KIFAP3: variants seen among roughly 807,000 people sequenced by gnomAD.
KIFAP3 encodes the protein kinesin-associated protein 3.
In KIFAP3, 68 loss-of-function variants were observed where a neutral mutation model predicts 106.5. The observed-to-expected ratio is 0.64, with a 90% CI of 0.53 to 0.78. KIFAP3 has a LOEUF of 0.78. Among genes scored for constraint, KIFAP3 ranks in the 30% least tolerant of loss-of-function variants. The pLI is 0.00. For synonymous variants in KIFAP3, 320 were observed against 311.5 expected (o/e 1.03, Z -0.29); for missense variants, 780 against 941.8 (o/e 0.83, Z 2.25).
At chr1:170,001,336 C>A (rs1470002569) in intron 10 of KIFAP3, among the ~76,000 whole-genome samples, 1 of 152,026 alleles carries the variant, frequency 6.6e-6, no homozygotes, top group African/African-American at 2.4e-5. Flanking sequence ...TGGAGACACC[C>A]TAGGCAATAT....
At chr1:169,987,511 C>T (rs1030107706) in intron 11 of KIFAP3, among the ~76,000 whole-genome samples, 1 of 152,074 alleles carries the variant, frequency 6.6e-6, no homozygotes, top group African/African-American at 2.4e-5. Context: ...CAGAACTTTG[C>T]ATGCCTCCGG....
chr1:169,995,767 A>G (rs999412731), intron 10 of KIFAP3, among the ~76,000 whole-genome samples: 2 of 152,144 alleles, frequency 1.3e-5, no homozygotes, highest in Non-Finnish European at 2.9e-5. Context: ...GGTGAGAGGA[A>G]GGAAAGACTC....
intron 19 of KIFAP3, among the ~76,000 whole-genome samples, chr1:169,948,594 G>A (rs1032032374): frequency 4.6e-5 from 7 of 151,840 alleles, no homozygotes; most frequent in Admixed American, 3.3e-4. Flanking sequence ...TCACTTTTTT[G>A]ATCCTTCCAT....
rs142533785 is a variant in KIFAP3, at chr1:170,029,612, C to A, written c.841+2274G>T. On this transcript the variant is annotated intron_variant, in intron 8 of 19. Coordinates refer to ENST00000361580, the MANE Select transcript of KIFAP3 (RefSeq NM_014970.4). ...ACAACAACAACAACAACAACAACAACAAAAAATAAGAGTATATTAAACCCA... is the reference window on the plus strand; with the variant it reads ...ACAACAACAACAACAACAACAACAAAAAAAAATAAGAGTATATTAAACCCA... Among the ~76,000 whole-genome samples the A allele has an allele frequency of 5.1e-3, 772 of 151,404 alleles. 18 individuals are homozygous for A. In the South Asian group the frequency reaches 0.056, roughly 11 times the overall value.
At chr1:170,058,435 A>G (rs1287467703) in intron 1 of KIFAP3, among the ~76,000 whole-genome samples, 1 of 152,174 alleles carries the variant, frequency 6.6e-6, no homozygotes, top group Non-Finnish European at 1.5e-5. Context: ...ATCTACTTGA[A>G]AAATACCCAA....
intron 1 of KIFAP3, among the ~76,000 whole-genome samples, chr1:170,066,221 G>A (rs1172897104): frequency 1.5e-5 from 2 of 137,544 alleles, no homozygotes; most frequent in African/African-American, 5.5e-5. Context: ...TGCATTATGT[G>A]TACATACCTT....
chr1:169,982,097 C>A lies in KIFAP3; in HGVS notation c.1673G>T (p.Gly558Val), dbSNP rs1489180530. Residue 558 changes from glycine to valine, a missense_variant and splice_region_variant, in exon 15 of 20, where the codon GGT becomes GTT. By Grantham distance (109) the Gly-to-Val change is moderately radical. Coordinates refer to ENST00000361580, the MANE Select transcript of KIFAP3 (RefSeq NM_014970.4). ...VPYLKDKLKP[G>V]AAEDDLVLEV... ...TAAAACAAGATCATCTTCTGCAGCA[C>A]CTAGTGAAGTCAAACCATAGAAAGT... 4 of 1,611,968 alleles carry A rather than the reference C, an allele frequency of 2.5e-6. No homozygotes were observed. The Admixed American group carries it at 6.7e-5, about 27-fold the overall frequency.
intron 9 of KIFAP3, among the ~76,000 whole-genome samples, chr1:170,019,573 T>C (rs1196429258): frequency 2.6e-5 from 4 of 152,022 alleles, no homozygotes; most frequent in African/African-American, 4.8e-5. Flanking sequence ...CTGTTGCGAA[T>C]ATGCGAAAAA....
upstream of KIFAP3, among the ~76,000 whole-genome samples, chr1:170,077,790 T>C (rs1557885194): frequency 6.6e-6 from 1 of 152,166 alleles, no homozygotes; most frequent in Non-Finnish European, 1.5e-5. Context: ...CAGAACGTCA[T>C]CTGAATGTAA....
At chr1:170,055,262 T>C (rs1470785711) in intron 2 of KIFAP3, 43 bp downstream of exon 2, 1 of 1,535,128 alleles carries the variant, frequency 6.5e-7, no homozygotes, top group African/African-American at 1.4e-5. Flanking sequence ...AAAGTTTATA[T>C]AATGTTCACT....
Position 170,070,357 on chromosome 1 carries a change from GAAC to G in KIFAP3, c.32+4076_32+4078del, listed in dbSNP as rs764314768. 4.5e-4 allele frequency among the ~76,000 whole-genome samples: 69 copies of G among 152,076 alleles called. 1 individual carries two copies. The highest frequency in any genetic ancestry group is 3.4e-3 in the Middle Eastern group (1 of 292). ...AAATAGCTGAAACAACCTTGAAAAA[GAAC>G]AACAAAGTTGGAGGACTCACACTTC... On this transcript the variant is annotated intron_variant, in intron 1 of 19. Transcript: ENST00000361580.
In KIFAP3 at chr1:169,981,987, T is replaced by G; in HGVS notation, c.1783A>C (p.Ile595Leu). Reference protein sequence around the residue: ...LAKSGIIPALIELLNAQQEDD... With the variant: ...LAKSGIIPALLELLNAQQEDD... ...GGTTATTTACCATTTAGCAATTCAA[T>G]GAGTGCAGGGATTATGCCAGATTTG... The change falls in exon 15 of 20, where the codon ATT becomes CTT. Residue 595 changes from isoleucine to leucine, a missense_variant. Ile to Leu is a conservative substitution (Grantham distance 5). Transcript: ENST00000361580. 6.2e-7 allele frequency: 1 copy of G among 1,611,832 alleles called. No individual in the cohort carries two copies. The highest frequency in any genetic ancestry group is 8.5e-7 in the Non-Finnish European group (1 of 1,178,574).
chr1:169,931,372 T>C (rs1571511381), intron 19 of KIFAP3, among the ~76,000 whole-genome samples: 1 of 152,192 alleles, frequency 6.6e-6, no homozygotes, highest in Non-Finnish European at 1.5e-5. Flanking sequence ...TTGTAGTTAT[T>C]AACAGAAAAA....
At chr1:170,058,293 A>T (rs1670953707) in intron 1 of KIFAP3, among the ~76,000 whole-genome samples, 1 of 152,210 alleles carries the variant, frequency 6.6e-6, no homozygotes, top group South Asian at 2.1e-4. Context: ...GCAAAATAAA[A>T]TTGTATCAAA....
At chr1:169,974,077 T>A (rs968919737) in intron 16 of KIFAP3, among the ~76,000 whole-genome samples, 4 of 151,786 alleles carry the variant, frequency 2.6e-5, no homozygotes, top group African/African-American at 9.7e-5. Flanking sequence ...AAACATATAC[T>A]CCTTTAGAAC....
intron 1 of KIFAP3, among the ~76,000 whole-genome samples, chr1:170,082,374 C>A (rs1219910143): frequency 6.6e-6 from 1 of 152,142 alleles, no homozygotes; most frequent in African/African-American, 2.4e-5. Flanking sequence ...AAAAAGCACA[C>A]CCCGATCTAT....
chr1:170,022,998 G>C (rs1410980888), intron 9 of KIFAP3, among the ~76,000 whole-genome samples: 2 of 151,978 alleles, frequency 1.3e-5, no homozygotes. Flanking sequence ...CCACATAAAT[G>C]GAAGAACATA....
intron 19 of KIFAP3, among the ~76,000 whole-genome samples, chr1:169,926,175 A>G (rs2806390): frequency 0.94 from 142,364 of 152,240 alleles, 66,656 homozygotes; most frequent in East Asian, 0.99. Context: ...CATTCCATTT[A>G]TGGATATGTA....
intron 18 of KIFAP3, among the ~76,000 whole-genome samples, chr1:169,959,801 A>G (rs1326748441): frequency 6.6e-6 from 1 of 152,102 alleles, no homozygotes; most frequent in Non-Finnish European, 1.5e-5. Flanking sequence ...TATATATTTT[A>G]TATCATCTTA....
Sources: allele counts gnomAD v4.1 joint callset (sites outside exome capture counted in the v4.1 genomes callset), GRCh38; gene constraint gnomAD v4.1.1; transcripts MANE v1.5; gene names NCBI Gene and HGNC (gene_info 2026-07-23, HGNC 2026-07-21).